Variants in ASIC2 observed in about 807,000 individuals in gnomAD.
ASIC2 encodes acid-sensing ion channel 2.
A neutral mutation model predicts 57.3 loss-of-function variants in ASIC2; 25 were observed. The ratio of observed to expected loss-of-function variants is 0.44; its 90% CI spans 0.32 to 0.61. The LOEUF is 0.61. Ranked by LOEUF, ASIC2 falls within the 20% of genes least tolerant of loss-of-function variation. ASIC2 has a pLI of 0.06. For synonymous variants in ASIC2, 319 were observed against 307.5 expected (o/e 1.04, Z -0.39); for missense variants, 641 against 738.1 (o/e 0.87, Z 1.52).
rs115073295 is a variant in ASIC2, at chr17:33,855,629, A to C, written c.555+300349T>G. Among the ~76,000 whole-genome samples, 1,048 of 152,208 alleles carry C rather than the reference A, an allele frequency of 6.9e-3. 11 individuals are homozygous for C. The highest frequency in any genetic ancestry group is 0.024 in the African/African-American group (1,014 of 41,526). On this transcript the variant is annotated intron_variant, in intron 1 of 9. Coordinates refer to the ASIC2 transcript ENST00000359872. ...GGGGCTTGACTGGACTGAGATGATG[A>C]TGCTGATGATGGGGATGATGATGGT...
At chr17:33,464,551 TTTCTTTCTTTCTTTTCTCTC>T (rs1416635298) in intron 1 of ASIC2, among the ~76,000 whole-genome samples, 36 of 117,148 alleles carry the variant, frequency 3.1e-4, no homozygotes, top group African/African-American at 1.0e-3. Context: ...TCTTTCTTTC[TTTCTTTCTTTCTTTTCTCTC>T]TTTCTCTCTT....
chr17:33,308,118 C>G (rs962730779), intron 1 of ASIC2, among the ~76,000 whole-genome samples: 1 of 152,138 alleles, frequency 6.6e-6, no homozygotes, highest in African/African-American at 2.4e-5. Context: ...CTTTTATAAA[C>G]AAATTGATAA....
At chr17:33,471,666 G>A (rs774279974) in intron 1 of ASIC2, among the ~76,000 whole-genome samples, 1 of 152,104 alleles carries the variant, frequency 6.6e-6, no homozygotes, top group African/African-American at 2.4e-5. Context: ...CCTTTTCTCC[G>A]CAGGAATGGC....
At chr17:33,994,642 G>A (rs770424474) in intron 1 of ASIC2, among the ~76,000 whole-genome samples, 5 of 152,132 alleles carry the variant, frequency 3.3e-5, no homozygotes, top group Non-Finnish European at 7.3e-5. Context: ...AGCAGGCACC[G>A]AGGACTGAAT....
At chr17:33,836,051 T>C (rs890260446) in intron 1 of ASIC2, among the ~76,000 whole-genome samples, 4 of 145,920 alleles carry the variant, frequency 2.7e-5, no homozygotes, top group Non-Finnish European at 6.1e-5. Flanking sequence ...TAATTATGTA[T>C]ATCATATATT....
intron 1 of ASIC2, among the ~76,000 whole-genome samples, chr17:33,170,017 G>A (rs527677508): frequency 6.6e-6 from 1 of 152,308 alleles, no homozygotes; most frequent in African/African-American, 2.4e-5. Context: ...TTGCTAGGAA[G>A]GCAGCAGAGG....
At chr17:33,758,748 C>T (rs776712714) in intron 1 of ASIC2, among the ~76,000 whole-genome samples, 5 of 152,022 alleles carry the variant, frequency 3.3e-5, no homozygotes, top group East Asian at 1.9e-4. Context: ...TACCCTGTGC[C>T]GCCCCAGGAC....
intron 1 of ASIC2, among the ~76,000 whole-genome samples, chr17:34,010,148 C>T (rs1485574837): frequency 2.0e-5 from 3 of 152,114 alleles, no homozygotes; most frequent in Non-Finnish European, 4.4e-5. Flanking sequence ...GTGAGTCAGC[C>T]CTTAACTATT....
In ASIC2 at chr17:33,024,020, G is replaced by T; in HGVS notation, c.1196-6C>A. ...GTCCTTTTCCGCCAACAGACCTGGA[G>T]GGGAGAGTGAGGTGGGGCTTAGTCA... On this transcript the variant is annotated splice_polypyrimidine_tract_variant and splice_region_variant and intron_variant, in intron 5 of 9. Coordinates refer to ENST00000225823, the MANE Select transcript of ASIC2 (RefSeq NM_183377.2). The T allele has an allele frequency of 6.2e-7, 1 of 1,614,114 alleles. No individual in the cohort carries two copies. The highest frequency in any genetic ancestry group is 1.1e-5 in the South Asian group (1 of 91,074).
In ASIC2 at chr17:33,548,174, C is replaced by T. The variant is rs182993542; in HGVS notation, c.556-436107G>A. On this transcript the variant is annotated intron_variant, in intron 1 of 9. Transcript: ENST00000359872. Reference sequence around the variant, plus strand: ...TGCCATTAACTCAAATTACATGAGCCGAGTCTGCTGTCGTCTCCCTTTTAA... The same window carrying T: ...TGCCATTAACTCAAATTACATGAGCTGAGTCTGCTGTCGTCTCCCTTTTAA... 2.6e-3 allele frequency among the ~76,000 whole-genome samples: 399 copies of T among 152,242 alleles called. 4 individuals carry two copies. Among genetic ancestry groups the T allele is most frequent in the East Asian group, 2.1e-3 (11 of 5,180 alleles).
At chr17:33,702,592 A>G (rs1040418099) in intron 1 of ASIC2, among the ~76,000 whole-genome samples, 2 of 152,158 alleles carry the variant, frequency 1.3e-5, no homozygotes, top group African/African-American at 2.4e-5. Flanking sequence ...GGGAGGAATT[A>G]GGGAGATCCC....
At chr17:33,303,505 G>A (rs1270140062) in intron 1 of ASIC2, among the ~76,000 whole-genome samples, 2 of 152,182 alleles carry the variant, frequency 1.3e-5, no homozygotes, top group Non-Finnish European at 2.9e-5. Flanking sequence ...CAACATCGAA[G>A]TGACATTACA....
In ASIC2 at chr17:33,500,750, C is replaced by T. The variant is rs1024369369; in HGVS notation, c.556-388683G>A. Among the ~76,000 whole-genome samples the T allele has an allele frequency of 1.2e-4, 18 of 152,274 alleles. No individual in the cohort carries two copies. The East Asian group carries it at 3.3e-3, about 28-fold the overall frequency. ...TCCCAGAGTGTCTAAAGGATTATAC[C>T]TTTTAATGGTAAGATGTGTGTTTTC... is the stretch of plus-strand genomic sequence containing the variant. On this transcript the variant is annotated intron_variant, in intron 1 of 9. Coordinates refer to the ASIC2 transcript ENST00000359872.
intron 1 of ASIC2, among the ~76,000 whole-genome samples, chr17:33,673,897 CTT>C (rs574986885): frequency 1.1e-4 from 16 of 141,004 alleles, no homozygotes; most frequent in African/African-American, 5.4e-5. Context: ...GCATCCGTGT[CTT>C]TTTTTTTTTT....
chr17:33,031,458 T>C (rs1386018418), intron 3 of ASIC2, among the ~76,000 whole-genome samples: 1 of 152,186 alleles, frequency 6.6e-6, no homozygotes, highest in African/African-American at 2.4e-5. Context: ...ATCCTCCCCA[T>C]GGTTTCATTT....
intron 1 of ASIC2, among the ~76,000 whole-genome samples, chr17:34,096,843 TGA>T (rs1248360794): frequency 9.9e-6 from 1 of 101,430 alleles, no homozygotes; most frequent in East Asian, 2.8e-4. Context: ...GGTGACAGGG[TGA>T]GACTCCATCT....
intron 1 of ASIC2, among the ~76,000 whole-genome samples, chr17:33,712,306 C>T (rs1909060750): frequency 6.6e-6 from 1 of 152,172 alleles, no homozygotes. Flanking sequence ...ACTGTTCTGG[C>T]CCCACAGCAC....
At chr17:33,872,676 A>G (rs1380643519) in intron 1 of ASIC2, among the ~76,000 whole-genome samples, 1 of 152,152 alleles carries the variant, frequency 6.6e-6, no homozygotes, top group East Asian at 1.9e-4. Flanking sequence ...AACACCCCTT[A>G]AGACCCCCAG....
intron 1 of ASIC2, among the ~76,000 whole-genome samples, chr17:33,125,833 C>T (rs2092321068): frequency 6.6e-6 from 1 of 152,236 alleles, no homozygotes; most frequent in South Asian, 2.1e-4. Flanking sequence ...GTTCACCCTA[C>T]AGCCTTATCT....
Sources: gnomAD v4.1 joint callset for allele counts (sites outside exome capture counted in the v4.1 genomes callset) on GRCh38, gnomAD v4.1.1 for gene constraint, MANE v1.5 for transcripts, NCBI Gene and HGNC (gene_info 2026-07-23, HGNC 2026-07-21) for gene names.